Variants in GPATCH1 observed in about 807,000 individuals in gnomAD.
GPATCH1 encodes the protein G-patch domain containing 1.
In GPATCH1, 73 loss-of-function variants were observed where a neutral mutation model predicts 114.9. The ratio of observed to expected loss-of-function variants is 0.64; its 90% confidence interval spans 0.53 to 0.77. The LOEUF is 0.77. Among genes scored for constraint, GPATCH1 ranks in the 30% least tolerant of loss-of-function variants. The probability of loss-of-function intolerance (pLI) is 0.00; values close to 1 mark genes in which losing one functional copy is unlikely to be tolerated. For missense variants in GPATCH1, 1,058 were observed against 1,144.3 expected (o/e 0.92, Z 1.09); for synonymous variants, 391 against 428.4 (o/e 0.91, Z 1.08).
chr19:33,107,349 G>A (rs1362323244), intron 10 of GPATCH1, among the ~76,000 whole-genome samples: 1 of 152,122 alleles, frequency 6.6e-6, no homozygotes, highest in East Asian at 1.9e-4. Context: ...GAGCCTCTGC[G>A]CCCAGCCAAG....
At chr19:33,093,308 T>C (rs1972617668) in intron 3 of GPATCH1, 51 bp from the exon 4 acceptor site, 1 of 1,240,274 alleles carries the variant, frequency 8.1e-7, no homozygotes, top group East Asian at 2.3e-5. Context: ...TGTGATGTAT[T>C]GTGTATAGTC....
rs766683925 is a variant in GPATCH1 at position 33,111,715 on chromosome 19, C to T, written c.1586-9C>T. ...AAGTGAAGCTGCTTCTTGTTCTCTG[C>T]CCCCGCAGATGCTCTGGAACGCTGT... On this transcript the variant is annotated splice_polypyrimidine_tract_variant and intron_variant, in intron 11 of 19. Coordinates refer to ENST00000170564, the MANE Select transcript of GPATCH1 (RefSeq NM_018025.3). 4.3e-6 allele frequency: 7 copies of T among 1,612,286 alleles called. No homozygotes were observed. The highest frequency in any genetic ancestry group is 4.5e-5 in the East Asian group (2 of 44,884).
intron 17 of GPATCH1, among the ~76,000 whole-genome samples, chr19:33,120,176 T>C (rs1257162891): frequency 6.4e-5 from 9 of 140,762 alleles, no homozygotes; most frequent in Admixed American, 1.5e-4. Context: ...AAATATATAT[T>C]CATATATAAA....
intron 9 of GPATCH1, among the ~76,000 whole-genome samples, chr19:33,102,687 G>A (rs957014497): frequency 2.6e-5 from 4 of 152,102 alleles, no homozygotes; most frequent in Non-Finnish European, 2.9e-5. Context: ...GAGCCACCGC[G>A]CCCGGCCGCT....
At chr19:33,108,686 TCCTGGGCTTCTTTCGTGTCTCCA>T (rs1475956716) in intron 10 of GPATCH1, among the ~76,000 whole-genome samples, 6 of 152,080 alleles carry the variant, frequency 3.9e-5, no homozygotes, top group African/African-American at 1.2e-4. Flanking sequence ...AGCGTATTGC[TCCTGGGCTTCTTTCGTGTCTCCA>T]CTGCCCTCCA....
In GPATCH1 at chr19:33,086,341, C is replaced by T. The variant is rs904810692; in HGVS notation, c.74-1793C>T. ...TTCCCCCATGGCCAGGGACTGTGCT[C>T]AGCTGTTTACGTATGATATTTAATC... is the stretch of plus-strand genomic sequence containing the variant. On this transcript the variant is annotated intron_variant, in intron 1 of 19. Transcript: ENST00000170564. Among the ~76,000 whole-genome samples, 4 of 152,288 alleles carry T rather than the reference C, an allele frequency of 2.6e-5. No homozygotes were observed. In the South Asian group the frequency reaches 6.2e-4, roughly 24 times the overall value.
At chr19:33,101,358 T>C (rs886543983) in intron 8 of GPATCH1, 137 bp from the exon 9 acceptor site, 3 of 626,150 alleles carry the variant, frequency 4.8e-6, no homozygotes, top group Non-Finnish European at 8.5e-6. Flanking sequence ...TTCTTCCCTT[T>C]ACTGCTGCTG....
intron 19 of GPATCH1, among the ~76,000 whole-genome samples, chr19:33,128,412 C>T (rs1973067026): frequency 6.6e-6 from 1 of 152,190 alleles, no homozygotes; most frequent in African/African-American, 2.4e-5. Context: ...AGGTACCCGC[C>T]ACCACGTCCA....
chr19:33,086,249 G>A (rs566966875), intron 1 of GPATCH1, among the ~76,000 whole-genome samples: 1 of 152,160 alleles, frequency 6.6e-6, no homozygotes, highest in Non-Finnish European at 1.5e-5. Flanking sequence ...AACATCTTGG[G>A]TTGTGGGACC....
chr19:33,090,966 C>A, intron 3 of GPATCH1, 101 bp downstream of exon 3: 1 of 713,904 alleles, frequency 1.4e-6, no homozygotes. Context: ...TGTACGATTT[C>A]CTCTTTGTTT....
chr19:33,091,763 A>G (rs1433263283), intron 3 of GPATCH1, among the ~76,000 whole-genome samples: 1 of 152,120 alleles, frequency 6.6e-6, no homozygotes, highest in African/African-American at 2.4e-5. Context: ...AGTTGAAGGA[A>G]AAAAAAGATT....
At chr19:33,098,115 G>A (rs1972684757) in intron 8 of GPATCH1, among the ~76,000 whole-genome samples, 1 of 152,230 alleles carries the variant, frequency 6.6e-6, no homozygotes, top group Non-Finnish European at 1.5e-5. Flanking sequence ...GTGGGGCCCA[G>A]GTGGGAGGGA....
intron 2 of GPATCH1, among the ~76,000 whole-genome samples, chr19:33,089,615 T>C (rs1198254912): frequency 2.2e-5 from 3 of 138,638 alleles, no homozygotes; most frequent in East Asian, 2.2e-4. Context: ...GCTAGATCTT[T>C]TATAATTTTT....
chr19:33,126,686 G>C lies in GPATCH1; in HGVS notation c.2718G>C (p.Gln906His). The C allele has an allele frequency of 6.2e-7, 1 of 1,614,040 alleles. No homozygotes were observed. Among genetic ancestry groups the C allele is most frequent in the South Asian group, 1.1e-5 (1 of 91,064 alleles). ...AGAGTTCCGACAGCAGCGACAGCCA[G>C]AGTGACGAGGAAACCGCAGACGTGT... Reference protein sequence around the residue: ...SSESSDSSDSQSDEETADVSP... With the variant: ...SSESSDSSDSHSDEETADVSP... Residue 906 changes from glutamine (Q) to histidine (H), a missense_variant, in exon 19 of 20, where the codon CAG becomes CAC. Physicochemically the swap from Gln to His is conservative, Grantham distance 24. Around this residue, in one of 3 missense-constraint regions of GPATCH1, gnomAD observed 893 missense variants for 977.4 expected, o/e 0.91. Coordinates refer to ENST00000170564, the MANE Select transcript of GPATCH1 (RefSeq NM_018025.3).
chr19:33,122,012 C>G (rs1371256708), intron 17 of GPATCH1, among the ~76,000 whole-genome samples: 1 of 152,030 alleles, frequency 6.6e-6, no homozygotes, highest in Non-Finnish European at 1.5e-5. Flanking sequence ...TTGTTCAGCA[C>G]TTTTGTTTTA....
intron 19 of GPATCH1, 25 bp from the exon 20 acceptor site, chr19:33,130,103 TTC>T (rs758361575): frequency 3.7e-6 from 6 of 1,601,102 alleles, no homozygotes; most frequent in South Asian, 1.1e-5. Context: ...AACTTTCCAT[TTC>T]TCTCTTTTCT....
Position 33,113,818 on chromosome 19 carries a change from C to T in GPATCH1, c.1944C>T (p.Phe648=), listed in dbSNP as rs1164575040. 6.2e-7 allele frequency: 1 copy of T among 1,613,626 alleles called. No homozygotes were observed. The highest frequency in any genetic ancestry group is 1.1e-5 in the South Asian group (1 of 91,078). ...TGAAGCGTGACAAGTACTCAGTCTT[C>T]AACTTTCTGACGCTCCCAGAGACAG... ...PRVKRDKYSV[F]NFLTLPETAS... Residue 648 remains phenylalanine, a synonymous_variant, in exon 14 of 20, where the codon TTC becomes TTT. Coordinates refer to ENST00000170564, the MANE Select transcript of GPATCH1 (RefSeq NM_018025.3).
chr19:33,105,895 C>A (rs149194808), intron 9 of GPATCH1, among the ~76,000 whole-genome samples: 1 of 150,244 alleles, frequency 6.7e-6, no homozygotes, highest in African/African-American at 2.4e-5. Context: ...AGCTCTGCAC[C>A]GGGGTGCAGT....
At chr19:33,125,503 G>C (rs1973031395) in intron 18 of GPATCH1, among the ~76,000 whole-genome samples, 1 of 151,026 alleles carries the variant, frequency 6.6e-6, no homozygotes, top group Admixed American at 6.6e-5. Context: ...TCCTGCTTCA[G>C]CCTCTTGAGT....
Sources: gnomAD v4.1 joint callset for allele counts (sites outside exome capture counted in the v4.1 genomes callset) on GRCh38, gnomAD v4.1.1 for gene constraint, gnomAD v4.1.1 regional missense constraint, MANE v1.5 for transcripts, NCBI Gene and HGNC (gene_info 2026-07-23, HGNC 2026-07-21) for gene names.